Variants in NTRK1 observed in about 807,000 individuals in gnomAD.
NTRK1 encodes the protein high affinity nerve growth factor receptor.
In NTRK1, 62 loss-of-function variants were observed where a neutral mutation model predicts 86.8. That is an observed-to-expected ratio of 0.71 (90% confidence interval 0.58 to 0.88). The LOEUF (loss-of-function observed/expected upper bound fraction) is 0.88. NTRK1 is among the 40% of genes least tolerant of loss of function. The pLI, the probability that NTRK1 is intolerant of heterozygous loss-of-function variation, is 0.00. For missense variants in NTRK1, 967 were observed against 1,078.4 expected (o/e 0.90, Z 1.45); for synonymous variants, 469 against 456.6 (o/e 1.03, Z -0.35).
At chr1:156,850,663 TC>T (rs1473453721) in intron 2 of NTRK1, among the ~76,000 whole-genome samples, 3 of 145,066 alleles carry the variant, frequency 2.1e-5, no homozygotes, top group Non-Finnish European at 4.5e-5. Context: ...CAAACAATTC[TC>T]CTGCCTCAGC....
intron 2 of NTRK1, chr1:156,844,288 T>A (rs1464971593): frequency 5.0e-6 from 8 of 1,604,874 alleles, no homozygotes; most frequent in Non-Finnish European, 6.8e-6. Flanking sequence ...CCTCTGGCAG[T>A]CAGAGGGCAG....
At chr1:156,840,821 C>T (rs552325213) in intron 1 of NTRK1, 12 of 1,389,394 alleles carry the variant, frequency 8.6e-6, no homozygotes, top group African/African-American at 7.1e-5. Context: ...CCACAGAGGT[C>T]GGGTCCCTTC....
chr1:156,879,016 T>C lies in NTRK1; in HGVS notation c.1806-106T>C, dbSNP rs2768757. Reference sequence around the variant, plus strand: ...GTTCTCTCAATCCTCCACTTCCAGGTCCCCAGTCTCCTCTCCCATCACACG... The same window carrying C: ...GTTCTCTCAATCCTCCACTTCCAGGCCCCCAGTCTCCTCTCCCATCACACG... On this transcript the variant is annotated intron_variant, in intron 14 of 16. Transcript: ENST00000524377. 1,110,036 of 1,320,936 alleles carry C rather than the reference T, an allele frequency of 0.84. 476,528 individuals are homozygous for C. Among genetic ancestry groups the C allele is most frequent in the Non-Finnish European group, 0.89 (846,166 of 947,916 alleles). The allele number at this position is 1,320,936 out of a possible 1,614,324, so 81.8% of individuals were successfully genotyped here. A position where few individuals can be genotyped will look rare whatever the true frequency, so the allele number is the denominator to read the frequency against.
chr1:156,841,769 A>G (rs766133295), intron 1 of NTRK1: 1 of 1,613,924 alleles, frequency 6.2e-7, no homozygotes, highest in Non-Finnish European at 8.5e-7. Context: ...AGTCTGTCTC[A>G]TACACGTCCC....
At chr1:156,851,426 C>G (rs773930300) in intron 2 of NTRK1, 1 of 1,614,092 alleles carries the variant, frequency 6.2e-7, no homozygotes, top group Non-Finnish European at 8.5e-7. Flanking sequence ...AGCTGTGGCT[C>G]CAGGTTGTCT....
At chr1:156,845,203 C>T in intron 2 of NTRK1, 2 of 1,609,566 alleles carry the variant, frequency 1.2e-6, no homozygotes, top group Middle Eastern at 1.7e-4. Flanking sequence ...GCACCGCTCG[C>T]TCACGGGGCA....
At chr1:156,869,792 T>A (rs1216813752) in intron 6 of NTRK1, among the ~76,000 whole-genome samples, 1 of 152,234 alleles carries the variant, frequency 6.6e-6, no homozygotes. Context: ...CACAGGTAAC[T>A]CAGTCGGCCT....
At chr1:156,823,441 CTGT>C (rs1462832204) in intron 1 of NTRK1, among the ~76,000 whole-genome samples, 3 of 152,098 alleles carry the variant, frequency 2.0e-5, no homozygotes, top group African/African-American at 4.8e-5. Flanking sequence ...GATCGCGAGC[CTGT>C]TGTTGTGCCT....
intron 1 of NTRK1, among the ~76,000 whole-genome samples, chr1:156,834,815 A>G (rs1654556998): frequency 1.0e-5 from 1 of 96,160 alleles, no homozygotes; most frequent in African/African-American, 2.8e-5. Context: ...GGCCGGGGAG[A>G]CGGGGGGTTG....
intron 1 of NTRK1, among the ~76,000 whole-genome samples, chr1:156,826,401 C>T (rs1041484903): frequency 6.9e-5 from 10 of 144,206 alleles, no homozygotes; most frequent in South Asian, 2.3e-4. Context: ...CCCGGGTTCA[C>T]GCCATTCTCC....
At chr1:156,817,036 AG>A in intron 1 of NTRK1, among the ~76,000 whole-genome samples, 1 of 45,974 alleles carries the variant, frequency 2.2e-5, no homozygotes. Context: ...ACCCCAAACT[AG>A]AACTTCCCTT....
chr1:156,830,046 C>T (rs536047347), intron 1 of NTRK1, among the ~76,000 whole-genome samples: 1 of 152,366 alleles, frequency 6.6e-6, no homozygotes, highest in African/African-American at 2.4e-5. Context: ...CTCTCCCAAG[C>T]CCGCTGTCTA....
intron 1 of NTRK1, among the ~76,000 whole-genome samples, chr1:156,835,151 G>C (rs1325574008): frequency 6.6e-6 from 1 of 152,100 alleles, no homozygotes; most frequent in Non-Finnish European, 1.5e-5. Context: ...GTAAGCCTAG[G>C]GTTGCTAGGA....
intron 2 of NTRK1, among the ~76,000 whole-genome samples, chr1:156,847,864 G>A (rs915880126): frequency 6.6e-6 from 1 of 152,186 alleles, no homozygotes; most frequent in African/African-American, 2.4e-5. Flanking sequence ...AAGGTTCTCT[G>A]CTCTTTGAGC....
At chr1:156,841,831 C>T (rs1164670220) in intron 1 of NTRK1, 1 of 1,613,932 alleles carries the variant, frequency 6.2e-7, no homozygotes, top group East Asian at 2.2e-5. Context: ...AGGTGTGGGG[C>T]ATAAGAGCCA....
intron 1 of NTRK1, among the ~76,000 whole-genome samples, chr1:156,830,071 C>T (rs1558077315): frequency 6.6e-6 from 1 of 152,258 alleles, no homozygotes; most frequent in Non-Finnish European, 1.5e-5. Flanking sequence ...TTGCTCTCCA[C>T]GCAGTGGGGC....
At chr1:156,879,505 G>A in intron 15 of NTRK1, 143 bp downstream of exon 15, 3 of 1,108,080 alleles carry the variant, frequency 2.7e-6, no homozygotes, top group East Asian at 2.4e-5. Flanking sequence ...CTACCTCCTC[G>A]GCTCCTGGTG....
At chr1:156,850,534 C>CTTTTTTTTTT (rs35237064) in intron 2 of NTRK1, among the ~76,000 whole-genome samples, 4 of 58,640 alleles carry the variant, frequency 6.8e-5, no homozygotes, top group Non-Finnish European at 1.1e-4. Context: ...TTAAAACATT[C>CTTTTTTTTTT]TTTTTTTTTT....
At chr1:156,851,987 G>GCACAGCGCTCAGCTGTGA in intron 2 of NTRK1, 2 of 1,611,054 alleles carry the variant, frequency 1.2e-6, no homozygotes, top group South Asian at 1.1e-5. Context: ...GTGCAGGCTG[G>GCACAGCGCTCAGCTGTGA]CACAGCGCTC....
Sources: gnomAD v4.1 joint callset for allele counts (sites outside exome capture counted in the v4.1 genomes callset) on GRCh38, gnomAD v4.1.1 for gene constraint, MANE v1.5 for transcripts, NCBI Gene and HGNC (gene_info 2026-07-23, HGNC 2026-07-21) for gene names.